TBX4: variants seen among roughly 807,000 people sequenced by gnomAD.
The protein encoded by TBX4 is T-box transcription factor 4.
Under a neutral mutation model 54.6 loss-of-function variants are expected in TBX4, and 13 were observed. That is an observed-to-expected ratio of 0.24 (90% CI 0.15 to 0.38). The LOEUF (loss-of-function observed/expected upper bound fraction) is 0.38. Among genes scored for constraint, TBX4 ranks in the 10% least tolerant of loss-of-function variants. The pLI, the probability that TBX4 is intolerant of heterozygous loss-of-function variation, is 1.00. For missense variants in TBX4, 631 were observed against 728.5 expected (o/e 0.87, Z 1.54); for synonymous variants, 314 against 306.7 (o/e 1.02, Z -0.25).
chr17:61,452,937 C>G, intron 1 of TBX4: 1 of 985,402 alleles, frequency 1.0e-6, no homozygotes, highest in Non-Finnish European at 1.2e-6. Flanking sequence ...GCAGAATATG[C>G]AAGGCCAAGG....
rs2060457380 is a variant in TBX4, at chr17:61,457,162, T to C, written c.187-375T>C. Among the ~76,000 whole-genome samples, 1 of 152,084 alleles carries C rather than the reference T, an allele frequency of 6.6e-6. No individual in the cohort carries two copies. Among genetic ancestry groups the C allele is most frequent in the Non-Finnish European group, 1.5e-5 (1 of 67,986 alleles). On this transcript the variant is annotated intron_variant, in intron 2 of 8. Coordinates refer to ENST00000644296, the MANE Select transcript of TBX4 (RefSeq NM_001321120.2). This position sits in a 1 kb window ranked among gnomAD's most constrained non-coding sequence, Gnocchi z 8.2. ...ATGCCGCCTGGGGATCTGTGTGCAC[T>C]ATCTGCAGGCGCGCGCCTGGCCGAG...
Position 61,465,652 on chromosome 17 carries a change from G to A in TBX4, c.282-167G>A, listed in dbSNP as rs540321055. 1.7e-5 allele frequency: 14 copies of A among 835,474 alleles called. No homozygotes were observed. The highest frequency in any genetic ancestry group is 1.2e-4 in the South Asian group (8 of 67,178). 51.8% of individuals were successfully genotyped at this position (835,474 alleles called of 1,614,324 possible). On this transcript the variant is annotated intron_variant, in intron 3 of 8. Coordinates refer to ENST00000644296, the MANE Select transcript of TBX4 (RefSeq NM_001321120.2). This position sits in a 1 kb window ranked among gnomAD's most constrained non-coding sequence, Gnocchi z 4.9. ...GTGCCACCTTTTCACTGTGCAGCTCGGGCAGAGGGGGAAGTGAGTTGTGCA... is the reference window on the plus strand; with the variant it reads ...GTGCCACCTTTTCACTGTGCAGCTCAGGCAGAGGGGGAAGTGAGTTGTGCA...
Position 61,474,873 on chromosome 17 carries a change from T to C in TBX4, c.550-3754T>C, listed in dbSNP as rs2060607801. ...GGACTAAGGCTCAAGTTTATACTTGTCTTGGCTCAATGGGTGGGACTTTCT... is the reference window on the plus strand; with the variant it reads ...GGACTAAGGCTCAAGTTTATACTTGCCTTGGCTCAATGGGTGGGACTTTCT... On this transcript the variant is annotated intron_variant, in intron 5 of 8. Transcript: ENST00000644296. This position sits in a 1 kb window ranked among gnomAD's most constrained non-coding sequence, Gnocchi z 4.6. Among the ~76,000 whole-genome samples, 1 of 152,206 alleles carries C rather than the reference T, an allele frequency of 6.6e-6. No individual in the cohort carries two copies. Among genetic ancestry groups the C allele is most frequent in the Admixed American group, 6.5e-5 (1 of 15,278 alleles).
At chr17:61,466,067 C>G in intron 4 of TBX4, 129 bp downstream of exon 4, 2 of 1,436,856 alleles carry the variant, frequency 1.4e-6, no homozygotes, top group Non-Finnish European at 1.9e-6. Context: ...CTGGAGTCCA[C>G]TGCCTGGAAC....
Position 61,480,126 on chromosome 17 carries a change from G to T in TBX4, c.828G>T (p.Arg276Ser). Residue 276 changes from arginine to serine, a missense_variant, in exon 8 of 9, where the codon AGG becomes AGT. Arg to Ser is a moderately radical substitution (Grantham distance 110). This residue lies in a region of TBX4 where 354 missense variants were observed against 368.9 expected (regional missense o/e 0.96). Transcript: ENST00000644296. The surrounding 1 kb of genome is among the most constrained non-coding windows in gnomAD (Gnocchi z 6.2). ...CCGTGATTTCCAAAAGCATCATGAG[G>T]CAGAGGCTCATCTCCCCCCAGCTCT... ...EYPVISKSIM[R>S]QRLISPQLSA... is the part of the protein sequence containing the mutation. 1 of 1,614,014 alleles carries T rather than the reference G, an allele frequency of 6.2e-7. No homozygotes were observed. Among genetic ancestry groups the T allele is most frequent in the East Asian group, 2.2e-5 (1 of 44,856 alleles).
Position 61,474,418 on chromosome 17 carries a change from G to A in TBX4, c.550-4209G>A, listed in dbSNP as rs142708968. On this transcript the variant is annotated intron_variant, in intron 5 of 8. Coordinates refer to ENST00000644296, the MANE Select transcript of TBX4 (RefSeq NM_001321120.2). The surrounding 1 kb of genome is among the most constrained non-coding windows in gnomAD (Gnocchi z 4.6). ...AGCTGTGTGTTCCTGGGCGAGTCAC[G>A]TCTCCACTACCAGCATTCTGTTCCT... 6.8e-4 allele frequency among the ~76,000 whole-genome samples: 104 copies of A among 152,238 alleles called. No homozygotes were observed. The highest frequency in any genetic ancestry group is 2.1e-3 in the African/African-American group (87 of 41,552).
rs539853276 is a variant in TBX4 at position 61,478,510 on chromosome 17, G to A, written c.550-117G>A. On this transcript the variant is annotated intron_variant, in intron 5 of 8. Transcript: ENST00000644296. The surrounding 1 kb of genome is among the most constrained non-coding windows in gnomAD (Gnocchi z 7.4). Reference sequence around the variant, plus strand: ...GCTCCAGTCCTGGTCGGTAGGCCCCGGATCCTGGGCTTTGAGGAGAATGAG... The same window carrying A: ...GCTCCAGTCCTGGTCGGTAGGCCCCAGATCCTGGGCTTTGAGGAGAATGAG... 2.8e-5 allele frequency: 40 copies of A among 1,445,094 alleles called. No individual in the cohort carries two copies. In the South Asian group the frequency reaches 3.1e-4, roughly 11 times the overall value. 89.5% of individuals were successfully genotyped at this position (1,445,094 alleles called of 1,614,324 possible).
Position 61,478,910 on chromosome 17 carries a change from G to T in TBX4, c.702+131G>T, listed in dbSNP as rs2060642030. 1 of 1,421,178 alleles carries T rather than the reference G, an allele frequency of 7.0e-7. No individual in the cohort carries two copies. The allele number at this position is 1,421,178 out of a possible 1,614,324, so 88.0% of individuals were successfully genotyped here. On this transcript the variant is annotated intron_variant, in intron 6 of 8. Coordinates refer to ENST00000644296, the MANE Select transcript of TBX4 (RefSeq NM_001321120.2). The surrounding 1 kb of genome is among the most constrained non-coding windows in gnomAD (Gnocchi z 7.4). ...GGGCAGGCCCAGTGCAGGGACCTCA[G>T]AAGCCTAGAGTCCCTCGGAGCCGCG...
In TBX4 at chr17:61,480,617, C is replaced by T. The variant is rs559457937; in HGVS notation, c.1021+298C>T. On this transcript the variant is annotated intron_variant, in intron 8 of 8. Coordinates refer to ENST00000644296, the MANE Select transcript of TBX4 (RefSeq NM_001321120.2). This position sits in a 1 kb window ranked among gnomAD's most constrained non-coding sequence, Gnocchi z 6.2. ...GCTTTGCAGTCACTGCTCTGAGAGC[C>T]TCGTGGGGTGAGCTGGGCTCTGCCT... 4.6e-5 allele frequency among the ~76,000 whole-genome samples: 7 copies of T among 152,334 alleles called. No individual in the cohort carries two copies. In the South Asian group the frequency reaches 1.4e-3, roughly 32 times the overall value.
Position 61,480,033 on chromosome 17 carries a change from C to T in TBX4, c.792-57C>T. 1 of 1,611,788 alleles carries T rather than the reference C, an allele frequency of 6.2e-7. No homozygotes were observed. Among genetic ancestry groups the T allele is most frequent in the Non-Finnish European group, 8.5e-7 (1 of 1,177,976 alleles). ...GATTCAGGCACGTGGCCTCTGTGAC[C>T]CTCGATGTATCTTCACTCTCTTCCT... is the stretch of plus-strand genomic sequence containing the variant. On this transcript the variant is annotated intron_variant, in intron 7 of 8. Coordinates refer to ENST00000644296, the MANE Select transcript of TBX4 (RefSeq NM_001321120.2). The surrounding 1 kb of genome is among the most constrained non-coding windows in gnomAD (Gnocchi z 6.2).
chr17:61,468,100 C>G (rs1361396386), intron 5 of TBX4, among the ~76,000 whole-genome samples: 1 of 152,208 alleles, frequency 6.6e-6, no homozygotes, highest in Non-Finnish European at 1.5e-5. Flanking sequence ...TAAGCCTTTT[C>G]GAGCGAGAGT....
chr17:61,456,532 C>G lies in TBX4; in HGVS notation c.42C>G (p.Phe14Leu). ...GCCTGTCCGAGAGCGAGGAGGCCTT[C>G]CGGGCCCCGGGCCCAGCGCTCGGAG... is the stretch of plus-strand genomic sequence containing the variant. ...DKGLSESEEA[F>L]RAPGPALGEA... Residue 14 changes from phenylalanine (F) to leucine (L), a missense_variant, in exon 2 of 9, where the codon TTC (phenylalanine) becomes TTG (leucine). By Grantham distance (22) the Phe-to-Leu change is conservative. Coordinates refer to ENST00000644296, the MANE Select transcript of TBX4 (RefSeq NM_001321120.2). The G allele has an allele frequency of 1.3e-6, 2 of 1,559,486 alleles. No individual in the cohort carries two copies. The highest frequency in any genetic ancestry group is 1.7e-6 in the Non-Finnish European group (2 of 1,152,410).
intron 1 of TBX4, among the ~76,000 whole-genome samples, chr17:61,455,281 A>G (rs1468761933): frequency 6.6e-6 from 1 of 152,174 alleles, no homozygotes; most frequent in Non-Finnish European, 1.5e-5. Context: ...GAGCCCGGGG[A>G]TGCTCCGGGA....
At position 61,483,612 on chromosome 17, in the gene TBX4, C is replaced by CAG. The variant is rs998456733; in HGVS notation, c.*97_*98dup. ...TACCAAGAAACACAGGAAGGTATTC[C>CAG]AGTGTGTGTGTGTGTGTGTGTGTGT... On this transcript the variant is annotated 3_prime_UTR_variant, in exon 9 of 9. Coordinates refer to ENST00000644296, the MANE Select transcript of TBX4 (RefSeq NM_001321120.2). The surrounding 1 kb of genome is among the most constrained non-coding windows in gnomAD (Gnocchi z 6.6). 39 of 859,532 alleles carry CAG rather than the reference C, an allele frequency of 4.5e-5. No individual in the cohort carries two copies. The African/African-American group carries it at 1.1e-3, about 24-fold the overall frequency. The allele number at this position is 859,532 out of a possible 1,614,324, so 53.2% of individuals were successfully genotyped here.
rs1031124651 is a variant in TBX4, at chr17:61,461,706, T to C, written c.281+4075T>C. ...TGTAACCTTCATCCAGATAAAGAAA[T>C]AGATCATCACCACCACCGCCCCAGA... On this transcript the variant is annotated intron_variant, in intron 3 of 8. Transcript: ENST00000644296. This position sits in a 1 kb window ranked among gnomAD's most constrained non-coding sequence, Gnocchi z 5.1. Among the ~76,000 whole-genome samples, 3 of 151,888 alleles carry C rather than the reference T, an allele frequency of 2.0e-5. No individual in the cohort carries two copies. The highest frequency in any genetic ancestry group is 2.9e-5 in the Non-Finnish European group (2 of 67,972).
intron 5 of TBX4, among the ~76,000 whole-genome samples, chr17:61,471,429 A>C (rs924347918): frequency 6.6e-6 from 1 of 152,224 alleles, no homozygotes; most frequent in Non-Finnish European, 1.5e-5. Context: ...TTAAACATAA[A>C]TCATTGAACA....
intron 1 of TBX4, chr17:61,452,895 C>T (rs546024319): frequency 2.0e-6 from 2 of 984,830 alleles, no homozygotes; most frequent in African/African-American, 1.7e-5. Flanking sequence ...AAGGCCGTGA[C>T]AGGCGGAGCG....
intron 5 of TBX4, among the ~76,000 whole-genome samples, chr17:61,467,962 G>T (rs2060548106): frequency 6.6e-6 from 1 of 152,238 alleles, no homozygotes; most frequent in Non-Finnish European, 1.5e-5. Context: ...AAATGAGAGG[G>T]TTTACCGGAA....
rs1325945598 is a variant in TBX4 at position 61,461,784 on chromosome 17, C to T, written c.282-4035C>T. 6.6e-6 allele frequency among the ~76,000 whole-genome samples: 1 copy of T among 152,132 alleles called. No homozygotes were observed. The highest frequency in any genetic ancestry group is 1.5e-5 in the Non-Finnish European group (1 of 68,018). On this transcript the variant is annotated intron_variant, in intron 3 of 8. Coordinates refer to ENST00000644296, the MANE Select transcript of TBX4 (RefSeq NM_001321120.2). This position sits in a 1 kb window ranked among gnomAD's most constrained non-coding sequence, Gnocchi z 5.1. ...AGCCATCCCCACCTTTGAAACCGCT[C>T]TCTAGACTTCTGACCCCTTCTGGCT...
Sources: allele counts gnomAD v4.1 joint callset (sites outside exome capture counted in the v4.1 genomes callset), GRCh38; gene constraint gnomAD v4.1.1; regional missense constraint gnomAD v4.1.1; non-coding constraint Gnocchi (gnomAD v3.1); transcripts MANE v1.5; gene names NCBI Gene and HGNC (gene_info 2026-07-23, HGNC 2026-07-21).